Variants in SLC14A2 observed in about 807,000 individuals in gnomAD.
SLC14A2 encodes solute carrier family 14 member 2, also known as urea transporter 2.
A neutral mutation model predicts 104.6 loss-of-function variants in SLC14A2; 91 were observed. The ratio of observed to expected loss-of-function variants is 0.87; its 90% CI spans 0.73 to 1.04. SLC14A2 has a LOEUF of 1.04. Among genes scored for constraint, SLC14A2 ranks in the 50% least tolerant of loss-of-function variants. SLC14A2 has a pLI of 0.00. For missense variants in SLC14A2, 1,189 were observed against 1,156.0 expected (o/e 1.03, Z -0.41); for synonymous variants, 476 against 466.4 (o/e 1.02, Z -0.27).
intron 1 of SLC14A2, among the ~76,000 whole-genome samples, chr18:45,230,990 A>G (rs1021111738): frequency 5.3e-5 from 8 of 152,320 alleles, no homozygotes; most frequent in Middle Eastern, 3.4e-3. Flanking sequence ...AACAACAACA[A>G]AAGTGTATTG....
chr18:45,186,273 C>T, the SLC14A2 span, among the ~76,000 whole-genome samples: 1 of 152,158 alleles, frequency 6.6e-6, no homozygotes, highest in African/African-American at 2.4e-5. Context: ...AGATAGACAT[C>T]AGGTCAATAA....
chr18:45,466,157 A>T (rs1440345699), intron 1 of SLC14A2, among the ~76,000 whole-genome samples: 1 of 152,118 alleles, frequency 6.6e-6, no homozygotes, highest in East Asian at 1.9e-4. Flanking sequence ...CGGTCAGGTC[A>T]CAGTTGATCG....
At chr18:45,613,056 A>G (rs1355877603), upstream of SLC14A2, among the ~76,000 whole-genome samples, 1 of 151,946 alleles carries the variant, frequency 6.6e-6, no homozygotes, top group Non-Finnish European at 1.5e-5. Flanking sequence ...TTGTTTTTTG[A>G]GACAGTCTCA....
chr18:45,178,546 C>G, the SLC14A2 span, among the ~76,000 whole-genome samples: 1 of 151,980 alleles, frequency 6.6e-6, no homozygotes, highest in South Asian at 2.1e-4. Flanking sequence ...GAAAAAATAG[C>G]AAAAGAATTA....
intron 1 of SLC14A2, among the ~76,000 whole-genome samples, chr18:45,355,081 C>G (rs1218772872): frequency 6.6e-6 from 1 of 152,180 alleles, no homozygotes; most frequent in African/African-American, 2.4e-5. Context: ...GTTCTACAAT[C>G]TAGGGCAGAG....
At chr18:45,609,740 A>G (rs1049129034) in intron 2 of SLC14A2, among the ~76,000 whole-genome samples, 8 of 152,020 alleles carry the variant, frequency 5.3e-5, no homozygotes, top group Non-Finnish European at 1.0e-4. Flanking sequence ...ACTGAGCAAG[A>G]CTCCATTTCC....
At chr18:45,513,980 G>C (rs1294997460) in intron 2 of SLC14A2, among the ~76,000 whole-genome samples, 1 of 152,218 alleles carries the variant, frequency 6.6e-6, no homozygotes, top group Non-Finnish European at 1.5e-5. Context: ...TTCAGGTAGA[G>C]ATCCTACCCT....
intron 2 of SLC14A2, among the ~76,000 whole-genome samples, chr18:45,534,749 C>G (rs2043754429): frequency 6.6e-6 from 1 of 152,054 alleles, no homozygotes; most frequent in Admixed American, 6.6e-5. Context: ...ACCGAGGAAC[C>G]TCAGAGATCA....
At chr18:45,239,101 T>C (rs928832012) in intron 1 of SLC14A2, among the ~76,000 whole-genome samples, 1 of 152,194 alleles carries the variant, frequency 6.6e-6, no homozygotes, top group African/African-American at 2.4e-5. Flanking sequence ...AATGACTTCT[T>C]TCTTCCTTTT....
rs564999786 is a variant in SLC14A2, at chr18:45,533,171, T to C, written c.-35+49849T>C. Among the ~76,000 whole-genome samples the C allele has an allele frequency of 2.0e-4, 31 of 152,346 alleles. 2 individuals are homozygous for C. The South Asian group carries it at 2.3e-3, about 11-fold the overall frequency. On this transcript the variant is annotated intron_variant, in intron 2 of 20. Transcript: ENST00000586448. ...GGTCTAAAATTCTCTTTTTTGGTTGTGTCTCTGCCAAGCTTTGGTATCAGG... is the reference window on the plus strand; with the variant it reads ...GGTCTAAAATTCTCTTTTTTGGTTGCGTCTCTGCCAAGCTTTGGTATCAGG...
intron 2 of SLC14A2, among the ~76,000 whole-genome samples, chr18:45,536,314 C>T (rs1390586907): frequency 6.6e-6 from 1 of 152,200 alleles, no homozygotes; most frequent in Non-Finnish European, 1.5e-5. Context: ...GTTCCACAAA[C>T]TAGGTGGCTT....
At chr18:45,275,993 G>A (rs1346508504) in intron 1 of SLC14A2, among the ~76,000 whole-genome samples, 1 of 152,238 alleles carries the variant, frequency 6.6e-6, no homozygotes, top group East Asian at 1.9e-4. Context: ...GATGGCATTT[G>A]AGCAGAGATC....
chr18:45,577,116 G>A (rs912850341), intron 2 of SLC14A2, among the ~76,000 whole-genome samples: 34 of 152,226 alleles, frequency 2.2e-4, no homozygotes, highest in Non-Finnish European at 4.9e-4. Flanking sequence ...TATTTGGTTT[G>A]CATATGAAGG....
intron 1 of SLC14A2, among the ~76,000 whole-genome samples, chr18:45,358,120 A>G (rs532596496): frequency 4.7e-4 from 71 of 152,316 alleles, no homozygotes; most frequent in African/African-American, 1.5e-3. Flanking sequence ...TCAACATTAA[A>G]TCTTCAAAAA....
intron 2 of SLC14A2, among the ~76,000 whole-genome samples, chr18:45,601,459 C>T (rs767227148): frequency 3.9e-5 from 6 of 152,180 alleles, no homozygotes; most frequent in African/African-American, 7.2e-5. Context: ...GCTCTACCAT[C>T]GAATTGTTCT....
intron 2 of SLC14A2, among the ~76,000 whole-genome samples, chr18:45,556,551 G>A (rs1468107590): frequency 6.6e-6 from 1 of 152,160 alleles, no homozygotes; most frequent in Non-Finnish European, 1.5e-5. Context: ...AGCTAATTGA[G>A]CATGAGCAAT....
chr18:45,606,566 T>G (rs1033495657), intron 2 of SLC14A2, among the ~76,000 whole-genome samples: 1 of 152,046 alleles, frequency 6.6e-6, no homozygotes, highest in Non-Finnish European at 1.5e-5. Flanking sequence ...CTGTAGTTAC[T>G]GCTTCTCAAA....
At chr18:45,394,706 T>A (rs1364693469) in intron 1 of SLC14A2, among the ~76,000 whole-genome samples, 1 of 151,996 alleles carries the variant, frequency 6.6e-6, no homozygotes, top group Non-Finnish European at 1.5e-5. Context: ...GTTATTTGGG[T>A]TTTTTGTTGT....
chr18:45,264,166 T>C (rs1402984843), intron 1 of SLC14A2, among the ~76,000 whole-genome samples: 1 of 152,210 alleles, frequency 6.6e-6, no homozygotes, highest in African/African-American at 2.4e-5. Context: ...CAGTTCATAC[T>C]GACTCCTCTG....
Sources: gnomAD v4.1 joint callset for allele counts (sites outside exome capture counted in the v4.1 genomes callset) on GRCh38, gnomAD v4.1.1 for gene constraint, MANE v1.5 for transcripts, NCBI Gene and HGNC (gene_info 2026-07-23, HGNC 2026-07-21) for gene names.